PDE4D: variants seen among roughly 807,000 people sequenced by gnomAD.
PDE4D encodes the protein phosphodiesterase 4D.
PDE4D carries 24 observed loss-of-function variants against 87.4 expected under a neutral mutation model. That is an observed-to-expected ratio of 0.27 (90% confidence interval 0.20 to 0.39). The LOEUF (loss-of-function observed/expected upper bound fraction) is 0.39. Ranked by LOEUF, PDE4D falls within the 10% of genes least tolerant of loss-of-function variation. PDE4D has a pLI of 1.00. For synonymous variants in PDE4D, 384 were observed against 383.2 expected, an observed-to-expected ratio of 1.00 and a Z score of -0.02; for missense variants, 714 against 1,041.0, an observed-to-expected ratio of 0.69 and a Z score of 4.32.
intron 1 of PDE4D, among the ~76,000 whole-genome samples, chr5:60,216,821 TAGAC>T (rs201939898): frequency 2.0e-5 from 3 of 151,940 alleles, no homozygotes; most frequent in East Asian, 3.9e-4. Context: ...AGAAGAAAAA[TAGAC>T]AGTTCTATAA....
intron 2 of PDE4D, among the ~76,000 whole-genome samples, chr5:60,169,354 T>A (rs1228931924): frequency 6.6e-6 from 1 of 152,136 alleles, no homozygotes; most frequent in Non-Finnish European, 1.5e-5. Context: ...CCTCCACTGT[T>A]TATTATTGTT....
intron 5 of PDE4D, among the ~76,000 whole-genome samples, chr5:59,155,747 G>A (rs890418439): frequency 6.6e-6 from 1 of 152,120 alleles, no homozygotes; most frequent in East Asian, 1.9e-4. Context: ...AGAGGATCAA[G>A]GGCCCAGATG....
intron 2 of PDE4D, among the ~76,000 whole-genome samples, chr5:60,045,560 C>T (rs1443357631): frequency 2.6e-5 from 4 of 152,184 alleles, no homozygotes; most frequent in Admixed American, 2.0e-4. Context: ...GGAAGGGATC[C>T]AGTTTCAGCT....
At chr5:59,745,870 A>T (rs1759528478) in intron 1 of PDE4D, among the ~76,000 whole-genome samples, 1 of 152,212 alleles carries the variant, frequency 6.6e-6, no homozygotes, top group South Asian at 2.1e-4. Flanking sequence ...ATATGCAAGC[A>T]GGCAGTAAGA....
At chr5:60,407,444 CTTTTTTTTTTTTTT>C (rs70975385) in intron 1 of PDE4D, among the ~76,000 whole-genome samples, 2 of 80,092 alleles carry the variant, frequency 2.5e-5, no homozygotes, top group Non-Finnish European at 2.3e-5. Flanking sequence ...TTTCTTTTTC[CTTTTTTTTTTTTTT>C]TTTTTTTTTT....
At chr5:60,367,033 A>T (rs771923994) in intron 1 of PDE4D, among the ~76,000 whole-genome samples, 31 of 152,056 alleles carry the variant, frequency 2.0e-4, no homozygotes, top group Non-Finnish European at 1.0e-4. Context: ...CTTTGAGATC[A>T]CTCTGTCCTG....
At chr5:59,873,131 C>T (rs1282379399) in intron 1 of PDE4D, among the ~76,000 whole-genome samples, 1 of 152,150 alleles carries the variant, frequency 6.6e-6, no homozygotes, top group Non-Finnish European at 1.5e-5. Flanking sequence ...GAAATATATA[C>T]TACATAGAGT....
In PDE4D at chr5:59,448,186, A is replaced by G. The variant is rs184595983; in HGVS notation, c.456-232218T>C. Among the ~76,000 whole-genome samples, 17 of 152,316 alleles carry G rather than the reference A, an allele frequency of 1.1e-4. No homozygotes were observed. In the East Asian group the frequency reaches 2.9e-3, roughly 26 times the overall value. ...AGGCTAAAGTATTTTGTAAAATAAA[A>G]TGGTACCTTCTCTAACCTTTCATAA... is the stretch of plus-strand genomic sequence containing the variant. On this transcript the variant is annotated intron_variant, in intron 1 of 14. Transcript: ENST00000340635.
chr5:60,071,571 A>T (rs1239754369), intron 2 of PDE4D, among the ~76,000 whole-genome samples: 1 of 152,084 alleles, frequency 6.6e-6, no homozygotes, highest in Non-Finnish European at 1.5e-5. Flanking sequence ...TGGCCAGTAA[A>T]ACAATTTGGA....
chr5:59,463,741 T>C (rs1411136245), intron 1 of PDE4D, among the ~76,000 whole-genome samples: 1 of 152,204 alleles, frequency 6.6e-6, no homozygotes, highest in Non-Finnish European at 1.5e-5. Context: ...TAAGTGTCAC[T>C]GATTTAGAAC....
At chr5:60,104,037 C>A (rs926886276) in intron 2 of PDE4D, among the ~76,000 whole-genome samples, 1 of 151,578 alleles carries the variant, frequency 6.6e-6, no homozygotes, top group East Asian at 1.9e-4. Flanking sequence ...ACACTGTGTG[C>A]GAGCCGAAGC....
chr5:60,498,715 A>G (rs1317010253), intron 1 of PDE4D, among the ~76,000 whole-genome samples: 1 of 152,194 alleles, frequency 6.6e-6, no homozygotes, highest in Admixed American at 6.5e-5. Context: ...TATCACTTGT[A>G]TAATCAGCTT....
chr5:59,980,003 T>G (rs1395446247), intron 3 of PDE4D, among the ~76,000 whole-genome samples: 1 of 152,202 alleles, frequency 6.6e-6, no homozygotes, highest in East Asian at 1.9e-4. Context: ...AAAATATATT[T>G]TTCATTTTGG....
chr5:60,318,855 C>T (rs556047994), intron 1 of PDE4D, among the ~76,000 whole-genome samples: 1 of 152,172 alleles, frequency 6.6e-6, no homozygotes, highest in Non-Finnish European at 1.5e-5. Flanking sequence ...AAGAGATCTG[C>T]TGTTAGTCTG....
At position 60,234,242 on chromosome 5, in the gene PDE4D, C is replaced by T. The variant is rs1397986551; in HGVS notation, c.-89-48555G>A. 4.0e-5 allele frequency among the ~76,000 whole-genome samples: 6 copies of T among 151,894 alleles called. No individual in the cohort carries two copies. In the East Asian group the frequency reaches 1.2e-3, roughly 30 times the overall value. On this transcript the variant is annotated intron_variant, in intron 1 of 16. Transcript: ENST00000502484. Reference sequence around the variant, plus strand: ...CTTCCTTTACTAAGCATAATATTTTCAAGGTTCATCCATGTTGTAGCATAT... The same window carrying T: ...CTTCCTTTACTAAGCATAATATTTTTAAGGTTCATCCATGTTGTAGCATAT...
chr5:59,991,670 G>T (rs1763017324), intron 2 of PDE4D, among the ~76,000 whole-genome samples: 1 of 152,080 alleles, frequency 6.6e-6, no homozygotes, highest in Non-Finnish European at 1.5e-5. Flanking sequence ...CAATGTTTCT[G>T]TGAGATAACA....
At chr5:59,561,987 T>C (rs1283069643) in intron 1 of PDE4D, among the ~76,000 whole-genome samples, 1 of 152,130 alleles carries the variant, frequency 6.6e-6, no homozygotes, top group Admixed American at 6.6e-5. Flanking sequence ...GTGAATACTG[T>C]ACATGTTTGC....
At chr5:60,336,593 G>C (rs1486331287) in intron 1 of PDE4D, among the ~76,000 whole-genome samples, 8 of 152,214 alleles carry the variant, frequency 5.3e-5, no homozygotes, top group Non-Finnish European at 5.9e-5. Flanking sequence ...CTTCAAAGCA[G>C]GCTAGCATAT....
intron 1 of PDE4D, among the ~76,000 whole-genome samples, chr5:59,565,498 G>A (rs1820724792): frequency 6.6e-6 from 1 of 152,158 alleles, no homozygotes; most frequent in Non-Finnish European, 1.5e-5. Flanking sequence ...CAGTCTGGAT[G>A]ACTGAGTAAA....
Sources: allele counts gnomAD v4.1 joint callset (sites outside exome capture counted in the v4.1 genomes callset), GRCh38; gene constraint gnomAD v4.1.1; transcripts MANE v1.5; gene names NCBI Gene and HGNC (gene_info 2026-07-23, HGNC 2026-07-21).